MLPH: variants seen among roughly 807,000 people sequenced by gnomAD.
MLPH encodes the protein melanophilin.
MLPH carries 51 observed loss-of-function variants against 72.1 expected under a neutral mutation model. The observed-to-expected ratio is 0.71, with a 90% CI of 0.56 to 0.89. The LOEUF (loss-of-function observed/expected upper bound fraction) is 0.89, where lower values mean the gene tolerates loss of function less well. MLPH is among the 40% of genes least tolerant of loss of function. The pLI is 0.00. For synonymous variants in MLPH, 301 were observed against 310.1 expected (o/e 0.97, Z 0.31); for missense variants, 743 against 759.9 (o/e 0.98, Z 0.26).
At chr2:237,520,159 G>A (rs2080149438) in intron 6 of MLPH, 130 bp downstream of exon 6, 1 of 1,242,212 alleles carries the variant, frequency 8.1e-7, no homozygotes, top group South Asian at 1.3e-5. Context: ...GGCTCCCAAG[G>A]CATGACAGGG....
chr2:237,496,246 G>A (rs763900692), intron 2 of MLPH, among the ~76,000 whole-genome samples: 1 of 152,170 alleles, frequency 6.6e-6, no homozygotes, highest in Non-Finnish European at 1.5e-5. Context: ...AAATGGAAAA[G>A]GGGGGAGAAC....
chr2:237,513,076 C>T (rs920629481), intron 4 of MLPH, among the ~76,000 whole-genome samples: 13 of 144,414 alleles, frequency 9.0e-5, no homozygotes, highest in African/African-American at 3.4e-4. Context: ...AAGCAAGGAA[C>T]ACAAACACTG....
At position 237,510,794 on chromosome 2, in the gene MLPH, A is replaced by G; in HGVS notation, c.331A>G (p.Arg111Gly). The G allele has an allele frequency of 6.2e-7, 1 of 1,613,294 alleles. No homozygotes were observed. The highest frequency in any genetic ancestry group is 2.2e-5 in the East Asian group (1 of 44,878). Residue 111 changes from arginine (R) to glycine (G), a missense_variant and splice_region_variant, in exon 3 of 16, where the codon AGA (arginine) becomes GGA (glycine). Coordinates refer to ENST00000264605, the MANE Select transcript of MLPH (RefSeq NM_024101.7). The surrounding 1 kb of genome is among the most constrained non-coding windows in gnomAD (Gnocchi z 4.4). ...GATCTGTGACCCCTGCCATCTGGCC[A>G]GGTGAGCCCAGGCCTTGAGGTAAAA... Reference protein sequence around the residue: ...GWICDPCHLARVVKIGSLEWY... With the variant: ...GWICDPCHLAGVVKIGSLEWY...
chr2:237,513,208 T>TG (rs1429218678), intron 4 of MLPH, among the ~76,000 whole-genome samples: 2 of 152,198 alleles, frequency 1.3e-5, no homozygotes, highest in Admixed American at 6.5e-5. Flanking sequence ...AGTGGGCCTC[T>TG]GGGGGTCTTC....
chr2:237,545,557 CATGTG>C (rs1461215651), intron 12 of MLPH: 1 of 1,288,338 alleles, frequency 7.8e-7, no homozygotes, highest in Non-Finnish European at 1.0e-6. Context: ...CATGTTGCCT[CATGTG>C]GAAATCCTTA....
intron 8 of MLPH, among the ~76,000 whole-genome samples, chr2:237,532,555 G>A (rs756960626): frequency 5.1e-4 from 77 of 152,342 alleles, no homozygotes; most frequent in Non-Finnish European, 7.2e-4. Flanking sequence ...TGTCACCAGT[G>A]ACATATTTTG....
At chr2:237,549,639 A>G (rs2080992894) in intron 14 of MLPH, among the ~76,000 whole-genome samples, 1 of 152,174 alleles carries the variant, frequency 6.6e-6, no homozygotes, top group East Asian at 1.9e-4. Flanking sequence ...TGACAAGGAC[A>G]TTAGCTTTGT....
At chr2:237,535,804 C>G (rs980992653) in intron 9 of MLPH, among the ~76,000 whole-genome samples, 10 of 152,210 alleles carry the variant, frequency 6.6e-5, no homozygotes, top group Non-Finnish European at 1.5e-4. Context: ...CCATACAAGG[C>G]CTATAATTAC....
At chr2:237,520,495 G>T (rs1294324130) in intron 6 of MLPH, among the ~76,000 whole-genome samples, 1 of 152,188 alleles carries the variant, frequency 6.6e-6, no homozygotes, top group East Asian at 1.9e-4. Context: ...AGCTATTAAT[G>T]ATCACACCTA....
At chr2:237,552,269 C>A in intron 14 of MLPH, 68 bp from the exon 15 acceptor site, 2 of 1,351,120 alleles carry the variant, frequency 1.5e-6, no homozygotes, top group Non-Finnish European at 2.1e-6. Context: ...TCTGAGGAGG[C>A]CAAGGCACTT....
intron 4 of MLPH, among the ~76,000 whole-genome samples, chr2:237,515,380 ACTTGGG>A: frequency 6.6e-6 from 1 of 152,114 alleles, no homozygotes; most frequent in South Asian, 2.1e-4. Context: ...TGCTGTCCCC[ACTTGGG>A]GACAGTCAGC....
chr2:237,512,555 T>C lies in MLPH; in HGVS notation c.445+1454T>C, dbSNP rs958158968. On this transcript the variant is annotated intron_variant, in intron 4 of 15. Transcript: ENST00000264605. The surrounding 1 kb of genome is among the most constrained non-coding windows in gnomAD (Gnocchi z 5.5). Reference sequence around the variant, plus strand: ...AACGGCCGGTGACATGGGGAGGGCCTATCACCCTATTCTTGGGGGCTGCTT... The same window carrying C: ...AACGGCCGGTGACATGGGGAGGGCCCATCACCCTATTCTTGGGGGCTGCTT... Among the ~76,000 whole-genome samples the C allele has an allele frequency of 6.6e-6, 1 of 152,042 alleles. No homozygotes were observed. Among genetic ancestry groups the C allele is most frequent in the Admixed American group, 6.5e-5 (1 of 15,270 alleles).
intron 2 of MLPH, among the ~76,000 whole-genome samples, chr2:237,507,036 G>C (rs957387675): frequency 7.7e-6 from 1 of 129,970 alleles, no homozygotes. Context: ...GGAGTTGGTA[G>C]TTTTTTTCCT....
intron 4 of MLPH, among the ~76,000 whole-genome samples, chr2:237,513,063 C>T (rs962154563): frequency 6.8e-6 from 1 of 147,512 alleles, no homozygotes; most frequent in Non-Finnish European, 1.5e-5. Context: ...TAAAACAGGG[C>T]GCAAGCAAGG....
chr2:237,537,691 C>A (rs1036854996), intron 9 of MLPH: 4 of 152,252 alleles, frequency 2.6e-5, no homozygotes, highest in Non-Finnish European at 5.9e-5. Context: ...CAATAGGCTT[C>A]GTCCAAATAG....
intron 14 of MLPH, chr2:237,551,951 C>G: frequency 5.3e-6 from 1 of 189,474 alleles, no homozygotes. Flanking sequence ...GCACTCCAGC[C>G]TGGGTGACAG....
intron 7 of MLPH, among the ~76,000 whole-genome samples, 185 bp downstream of exon 7, chr2:237,525,990 G>A (rs946984180): frequency 9.2e-5 from 14 of 152,226 alleles, no homozygotes; most frequent in African/African-American, 2.4e-4. Flanking sequence ...CCCCGGGACC[G>A]GGATGTGCGC....
At position 237,510,971 on chromosome 2, in the gene MLPH, C is replaced by T. The variant is rs979737428; in HGVS notation, c.333-18C>T. ...ACAGCACTCAGGCAGTGCCATGAGC[C>T]TGTGCTTGTCCCTGCAGAGTCGTGA... On this transcript the variant is annotated intron_variant, in intron 3 of 15. Transcript: ENST00000264605. This position sits in a 1 kb window ranked among gnomAD's most constrained non-coding sequence, Gnocchi z 4.4. The T allele has an allele frequency of 2.5e-6, 4 of 1,605,274 alleles. No individual in the cohort carries two copies. In the African/African-American group the frequency reaches 4.0e-5, roughly 16 times the overall value.
At chr2:237,536,107 T>A (rs2080525126) in intron 9 of MLPH, among the ~76,000 whole-genome samples, 1 of 152,176 alleles carries the variant, frequency 6.6e-6, no homozygotes, top group Non-Finnish European at 1.5e-5. Context: ...TGCTCATTTT[T>A]CTTGGGGCCA....
Sources: allele counts gnomAD v4.1 joint callset (sites outside exome capture counted in the v4.1 genomes callset), GRCh38; gene constraint gnomAD v4.1.1; non-coding constraint Gnocchi (gnomAD v3.1); transcripts MANE v1.5; gene names NCBI Gene and HGNC (gene_info 2026-07-23, HGNC 2026-07-21).